TRAPPC9: variants seen among roughly 807,000 people sequenced by gnomAD.
TRAPPC9 encodes the protein IKK2 binding protein.
TRAPPC9 carries 83 observed loss-of-function variants against 124.0 expected under a neutral mutation model. The ratio of observed to expected loss-of-function variants is 0.67; its 90% CI spans 0.56 to 0.80. TRAPPC9 has a LOEUF of 0.80. Ranked by LOEUF, TRAPPC9 falls within the 30% of genes least tolerant of loss-of-function variation. TRAPPC9 has a pLI of 0.00. For missense variants in TRAPPC9, 1,302 were observed against 1,508.3 expected, an observed-to-expected ratio of 0.86 and a Z score of 2.27; for synonymous variants, 638 against 617.5, an observed-to-expected ratio of 1.03 and a Z score of -0.49.
intron 17 of TRAPPC9, among the ~76,000 whole-genome samples, chr8:140,033,663 T>TTG (rs1563706604): frequency 1.8e-5 from 1 of 54,890 alleles, no homozygotes; most frequent in African/African-American, 2.2e-4. Context: ...ATGTGGTTTT[T>TTG]TTTTTTTTTT....
intron 21 of TRAPPC9, among the ~76,000 whole-genome samples, chr8:139,791,028 T>C (rs1369045560): frequency 8.5e-5 from 13 of 152,148 alleles, no homozygotes; most frequent in Admixed American, 8.5e-4. Flanking sequence ...CCATGCTTCC[T>C]GGACAGCCTG....
At chr8:140,319,768 C>T (rs2131934114) in intron 9 of TRAPPC9, among the ~76,000 whole-genome samples, 1 of 152,150 alleles carries the variant, frequency 6.6e-6, no homozygotes, top group East Asian at 1.9e-4. Context: ...ACGCCTGGCC[C>T]AAACAGAACA....
intron 21 of TRAPPC9, among the ~76,000 whole-genome samples, chr8:139,806,931 A>G (rs1824108123): frequency 6.6e-6 from 1 of 152,182 alleles, no homozygotes; most frequent in African/African-American, 2.4e-5. Context: ...TTGACTTTGG[A>G]AAAGAGCCAG....
At chr8:139,845,592 C>T (rs1314766100) in intron 21 of TRAPPC9, among the ~76,000 whole-genome samples, 2 of 152,164 alleles carry the variant, frequency 1.3e-5, no homozygotes, top group Non-Finnish European at 1.5e-5. Context: ...CAGGAGGTCT[C>T]CTTACACCGG....
chr8:140,271,278 G>A (rs2064870720), intron 15 of TRAPPC9, among the ~76,000 whole-genome samples: 1 of 152,088 alleles, frequency 6.6e-6, no homozygotes, highest in African/African-American at 2.4e-5. Flanking sequence ...AATTAAGGTA[G>A]TATCATTAAA....
At chr8:140,056,472 T>C (rs555865149) in intron 17 of TRAPPC9, among the ~76,000 whole-genome samples, 3 of 150,668 alleles carry the variant, frequency 2.0e-5, no homozygotes, top group Admixed American at 2.0e-4. Context: ...GACAGACATA[T>C]GAGATCAATG....
At chr8:140,230,864 G>A (rs1278948489) in intron 16 of TRAPPC9, among the ~76,000 whole-genome samples, 1 of 152,168 alleles carries the variant, frequency 6.6e-6, no homozygotes, top group Non-Finnish European at 1.5e-5. Flanking sequence ...ACTGGGGATC[G>A]GTCCTGGAGG....
intron 15 of TRAPPC9, among the ~76,000 whole-genome samples, chr8:140,274,207 GAAAGGAA>G (rs1332900680): frequency 6.6e-6 from 1 of 151,386 alleles, no homozygotes; most frequent in Non-Finnish European, 1.5e-5. Context: ...GACTAGCACT[GAAAGGAA>G]AAAGGAAAAA....
chr8:140,009,570 G>A (rs1337499179), intron 18 of TRAPPC9, among the ~76,000 whole-genome samples: 1 of 152,176 alleles, frequency 6.6e-6, no homozygotes, highest in African/African-American at 2.4e-5. Flanking sequence ...CACACCTCCT[G>A]TGAAATAGCA....
intron 9 of TRAPPC9, among the ~76,000 whole-genome samples, chr8:140,349,345 G>A (rs2067463235): frequency 1.7e-5 from 2 of 117,692 alleles, no homozygotes; most frequent in African/African-American, 3.3e-5. Flanking sequence ...GGGGCCGAAG[G>A]GGGCGCGCGA....
chr8:139,916,441 G>A (rs1832136336), intron 19 of TRAPPC9: 1 of 152,230 alleles, frequency 6.6e-6, no homozygotes, highest in African/African-American at 2.4e-5. Context: ...ATGACCTAAG[G>A]TTGCAAAGTG....
intron 21 of TRAPPC9, among the ~76,000 whole-genome samples, chr8:139,829,912 C>T (rs958525865): frequency 6.6e-6 from 1 of 152,212 alleles, no homozygotes; most frequent in African/African-American, 2.4e-5. Flanking sequence ...TGGAATCCAG[C>T]CACATGTGTG....
At chr8:139,747,553 G>A (rs545720714) in intron 21 of TRAPPC9, among the ~76,000 whole-genome samples, 2 of 114,656 alleles carry the variant, frequency 1.7e-5, no homozygotes, top group African/African-American at 7.0e-5. Context: ...GGTAGGGGGG[G>A]CGTACAGGGG....
chr8:140,152,982 A>T (rs2061571537), intron 17 of TRAPPC9, among the ~76,000 whole-genome samples: 1 of 152,016 alleles, frequency 6.6e-6, no homozygotes, highest in Admixed American at 6.6e-5. Flanking sequence ...TTTGTTTTTT[A>T]CCATTAAGTG....
chr8:140,192,827 G>A (rs1030895570), intron 17 of TRAPPC9, among the ~76,000 whole-genome samples: 1 of 152,154 alleles, frequency 6.6e-6, no homozygotes, highest in Non-Finnish European at 1.5e-5. Flanking sequence ...GCCTAGGCTA[G>A]AGTGCAGTGG....
At chr8:140,341,871 C>A (rs2067205388) in intron 9 of TRAPPC9, among the ~76,000 whole-genome samples, 1 of 152,206 alleles carries the variant, frequency 6.6e-6, no homozygotes, top group African/African-American at 2.4e-5. Flanking sequence ...AGTCTCTCTC[C>A]CAAGCTAAGG....
At chr8:140,374,931 A>G (rs1435054938) in intron 7 of TRAPPC9, among the ~76,000 whole-genome samples, 1 of 152,236 alleles carries the variant, frequency 6.6e-6, no homozygotes, top group Non-Finnish European at 1.5e-5. Flanking sequence ...GTGTAATAAG[A>G]AGTCAAATGA....
At chr8:140,143,377 CAT>C (rs925556769) in intron 17 of TRAPPC9, among the ~76,000 whole-genome samples, 2 of 141,160 alleles carry the variant, frequency 1.4e-5, no homozygotes, top group Non-Finnish European at 3.3e-5. Flanking sequence ...TTATAGTCTA[CAT>C]ACCAGTCCTC....
At chr8:140,164,837 C>T (rs771533263) in intron 17 of TRAPPC9, among the ~76,000 whole-genome samples, 7 of 152,182 alleles carry the variant, frequency 4.6e-5, no homozygotes, top group Non-Finnish European at 8.8e-5. Flanking sequence ...GAATGTCCCC[C>T]GTATACAGCC....
Sources: allele counts gnomAD v4.1 joint callset (sites outside exome capture counted in the v4.1 genomes callset), GRCh38; gene constraint gnomAD v4.1.1; transcripts MANE v1.5; gene names NCBI Gene and HGNC (gene_info 2026-07-23, HGNC 2026-07-21).